The following TBL1XR1 variants were observed in gnomAD, a reference collection of about 807,000 sequenced individuals.
TBL1XR1 encodes TBL1X/Y related 1.
TBL1XR1 carries 5 observed loss-of-function variants against 66.9 expected under a neutral mutation model. The ratio of observed to expected loss-of-function variants is 0.07; its 90% CI spans 0.04 to 0.16. The LOEUF is 0.16. TBL1XR1 is among the 10% of genes least tolerant of loss of function. TBL1XR1 has a pLI of 1.00. For synonymous variants in TBL1XR1, 210 were observed against 206.0 expected, an observed-to-expected ratio of 1.02 and a Z score of -0.17; for missense variants, 238 against 623.2, an observed-to-expected ratio of 0.38 and a Z score of 6.58.
intron 3 of TBL1XR1, among the ~76,000 whole-genome samples, chr3:177,062,606 G>C (rs989887221): frequency 6.6e-6 from 1 of 152,112 alleles, no homozygotes; most frequent in Non-Finnish European, 1.5e-5. Flanking sequence ...TTTTTACCAA[G>C]GGACTGATTT....
At chr3:177,171,702 CAAAAAAAAA>C (rs34278942) in intron 1 of TBL1XR1, among the ~76,000 whole-genome samples, 60 of 47,296 alleles carry the variant, frequency 1.3e-3, no homozygotes, top group East Asian at 2.5e-3. Flanking sequence ...GACTCCGTCT[CAAAAAAAAA>C]AAAAAAAAAA....
upstream of TBL1XR1, among the ~76,000 whole-genome samples, chr3:177,200,502 C>A (rs1051466276): frequency 1.3e-5 from 2 of 152,174 alleles, no homozygotes; most frequent in South Asian, 4.1e-4. Context: ...GCTGTCCCAA[C>A]ATATCCAGCA....
chr3:177,050,035 C>T lies in TBL1XR1; in HGVS notation c.664G>A (p.Val222Ile). ...GATGTGACATCCTTGTTGCTTGGAA[C>T]ATCTTGCCCTCCTTCTCGTATACAA... Reference protein sequence around the residue: ...RHCIREGGQDVPSNKDVTSLD... With the variant: ...RHCIREGGQDIPSNKDVTSLD... Residue 222 changes from valine (V) to isoleucine (I), a missense_variant, in exon 7 of 16, where the codon GTT becomes ATT. Coordinates refer to ENST00000457928, the MANE Select transcript of TBL1XR1 (RefSeq NM_024665.7). 2 of 1,613,690 alleles carry T rather than the reference C, an allele frequency of 1.2e-6. No individual in the cohort carries two copies. The highest frequency in any genetic ancestry group is 1.1e-5 in the South Asian group (1 of 91,068).
intron 2 of TBL1XR1, among the ~76,000 whole-genome samples, chr3:177,089,107 G>T (rs1461618144): frequency 2.0e-5 from 3 of 152,138 alleles, no homozygotes; most frequent in Non-Finnish European, 4.4e-5. Flanking sequence ...AGTTTTTTAA[G>T]AATAATCAAG....
intron 1 of TBL1XR1, among the ~76,000 whole-genome samples, chr3:177,186,177 A>G (rs1439973592): frequency 6.6e-6 from 1 of 152,182 alleles, no homozygotes; most frequent in Non-Finnish European, 1.5e-5. Flanking sequence ...ATACAATAAC[A>G]GTCTGCACTC....
intron 1 of TBL1XR1, among the ~76,000 whole-genome samples, chr3:177,125,258 C>T (rs1727467224): frequency 6.6e-6 from 1 of 151,942 alleles, no homozygotes; most frequent in Admixed American, 6.6e-5. Flanking sequence ...AACAGATACC[C>T]CAAAGAGTAA....
chr3:177,089,318 T>TGA (rs1252336851), intron 2 of TBL1XR1, among the ~76,000 whole-genome samples: 16 of 152,270 alleles, frequency 1.1e-4, no homozygotes, highest in South Asian at 4.1e-4. Context: ...CAAAGCACCC[T>TGA]GAGGCCAAAC....
intron 10 of TBL1XR1, among the ~76,000 whole-genome samples, chr3:177,045,737 T>C (rs1278663868): frequency 2.6e-5 from 4 of 151,758 alleles, no homozygotes; most frequent in Non-Finnish European, 5.9e-5. Context: ...AAACAGGTAT[T>C]ATTATTATTA....
Position 177,112,868 on chromosome 3 carries a change from T to C in TBL1XR1, c.-121-14327A>G, listed in dbSNP as rs116301313. Among the ~76,000 whole-genome samples the C allele has an allele frequency of 8.5e-3, 1,293 of 152,016 alleles. 21 individuals are homozygous for C. Among genetic ancestry groups the C allele is most frequent in the African/African-American group, 0.03 (1,244 of 41,432 alleles). On this transcript the variant is annotated intron_variant, in intron 1 of 15. Transcript: ENST00000457928. ...AAATACAAAAATTAGTCGGGCGTGG[T>C]ACCATGTGCCTGGAGTCGCAGCTAC...
chr3:177,050,168 CTCA>C (rs1488295308), intron 6 of TBL1XR1, 30 bp from the exon 7 acceptor site: 1 of 1,606,502 alleles, frequency 6.2e-7, no homozygotes, highest in East Asian at 2.2e-5. Context: ...ATTTTAGATC[CTCA>C]TGACATTCTC....
upstream of TBL1XR1, among the ~76,000 whole-genome samples, chr3:177,199,283 T>G (rs1737289758): frequency 6.6e-6 from 1 of 152,222 alleles, no homozygotes; most frequent in Non-Finnish European, 1.5e-5. Context: ...AAGTTTTGCA[T>G]TTCAATAGGA....
chr3:177,133,258 G>A (rs934665894), intron 1 of TBL1XR1, among the ~76,000 whole-genome samples: 1 of 151,716 alleles, frequency 6.6e-6, no homozygotes, highest in Non-Finnish European at 1.5e-5. Flanking sequence ...CTGCACTCCA[G>A]CCTGGGCAAC....
chr3:177,101,807 G>A (rs1035070669), intron 1 of TBL1XR1, among the ~76,000 whole-genome samples: 5 of 152,162 alleles, frequency 3.3e-5, no homozygotes, highest in Admixed American at 6.5e-5. Context: ...GCAATTCCAG[G>A]AAACAGAACG....
intron 10 of TBL1XR1, among the ~76,000 whole-genome samples, chr3:177,042,647 T>G (rs1273484794): frequency 6.6e-6 from 1 of 152,084 alleles, no homozygotes; most frequent in African/African-American, 2.4e-5. Flanking sequence ...GAAAGAAATA[T>G]CTAACATAAA....
chr3:177,065,128 GGTTC>G, intron 2 of TBL1XR1, 106 bp from the exon 3 acceptor site: 1 of 672,534 alleles, frequency 1.5e-6, no homozygotes, highest in Non-Finnish European at 2.2e-6. Flanking sequence ...GTAAAACGAA[GGTTC>G]TACATTGCCT....
At chr3:177,134,262 G>A (rs985139873) in intron 1 of TBL1XR1, among the ~76,000 whole-genome samples, 3 of 152,086 alleles carry the variant, frequency 2.0e-5, no homozygotes, top group African/African-American at 7.2e-5. Flanking sequence ...TCTGTTGCTT[G>A]CAAACAAAAA....
intron 1 of TBL1XR1, among the ~76,000 whole-genome samples, chr3:177,146,270 T>C (rs1730225940): frequency 6.6e-6 from 1 of 152,026 alleles, no homozygotes; most frequent in African/African-American, 2.4e-5. Flanking sequence ...AAGTCAGTTT[T>C]CTGGCTTTCA....
intron 1 of TBL1XR1, among the ~76,000 whole-genome samples, chr3:177,191,670 CTGA>C: frequency 6.6e-6 from 1 of 152,268 alleles, no homozygotes; most frequent in Non-Finnish European, 1.5e-5. Context: ...TAGACAGCAT[CTGA>C]TAATACGGAA....
chr3:177,153,877 C>CA (rs1007822226), intron 1 of TBL1XR1, among the ~76,000 whole-genome samples: 2,059 of 42,762 alleles, frequency 0.048, 43 homozygotes, highest in East Asian at 0.16. Flanking sequence ...AACTCCATCT[C>CA]AAAAAAAAAA....
Sources: allele counts gnomAD v4.1 joint callset (sites outside exome capture counted in the v4.1 genomes callset), GRCh38; gene constraint gnomAD v4.1.1; transcripts MANE v1.5; gene names NCBI Gene and HGNC (gene_info 2026-07-23, HGNC 2026-07-21).